Variants in KIF3C observed in about 807,000 individuals in gnomAD.
The protein encoded by KIF3C is kinesin-like protein KIF3C.
KIF3C carries 12 observed loss-of-function variants against 67.7 expected under a neutral mutation model. The observed-to-expected ratio is 0.18, with a 90% CI of 0.11 to 0.29. The LOEUF (loss-of-function observed/expected upper bound fraction) is 0.29. Ranked by LOEUF, KIF3C falls within the 10% of genes least tolerant of loss-of-function variation. The pLI, the probability that KIF3C is intolerant of heterozygous loss-of-function variation, is 1.00. For missense variants in KIF3C, 789 were observed against 1,059.6 expected (o/e 0.74, Z 3.55); for synonymous variants, 393 against 426.2 (o/e 0.92, Z 0.96).
Position 25,981,339 on chromosome 2 carries a change from A to T in KIF3C, c.579T>A (p.His193Gln). ...GGGTCTGGTTCCCCAGGTTCATCAC[A>T]TGCTCAATCTCCTTGACATTCTTGG... ...FVTKNVKEIE[H>Q]VMNLGNQTRA... is the part of the protein sequence containing the mutation. The change falls in exon 1 of 8, where the codon CAT (histidine) becomes CAA (glutamine). Residue 193 changes from histidine to glutamine, a missense_variant. Coordinates refer to ENST00000264712, the MANE Select transcript of KIF3C (RefSeq NM_002254.8). This position sits in a 1 kb window ranked among gnomAD's most constrained non-coding sequence, Gnocchi z 8.2. The T allele has an allele frequency of 6.2e-7, 1 of 1,613,998 alleles. No homozygotes were observed. The highest frequency in any genetic ancestry group is 8.5e-7 in the Non-Finnish European group (1 of 1,179,974).
At chr2:25,942,873 A>C (rs1163588351) in intron 5 of KIF3C, among the ~76,000 whole-genome samples, 1 of 152,208 alleles carries the variant, frequency 6.6e-6, no homozygotes. Flanking sequence ...ATTTCTCAAG[A>C]GCTGCCTGAC....
chr2:25,943,932 GAAAT>G (rs1273439844), intron 5 of KIF3C, among the ~76,000 whole-genome samples: 1 of 151,388 alleles, frequency 6.6e-6, no homozygotes. Context: ...TTAAAGTTCT[GAAAT>G]AAATATTAAA....
At chr2:25,929,140 T>A in intron 7 of KIF3C, 69 bp from the exon 8 acceptor site, 1 of 1,460,608 alleles carries the variant, frequency 6.8e-7, no homozygotes, top group Non-Finnish European at 9.5e-7. Flanking sequence ...GTGGGTCCTC[T>A]CCTTTGCCCC....
chr2:25,930,327 C>A (rs535697416), intron 5 of KIF3C, among the ~76,000 whole-genome samples: 1 of 152,230 alleles, frequency 6.6e-6, no homozygotes, highest in East Asian at 1.9e-4. Flanking sequence ...GAGAGACAGA[C>A]ACACCTGCAT....
rs746885450 is a variant in KIF3C at position 25,981,293 on chromosome 2, T to C, written c.625A>G (p.Met209Val). 1.2e-6 allele frequency: 2 copies of C among 1,614,186 alleles called. No homozygotes were observed. Among genetic ancestry groups the C allele is most frequent in the East Asian group, 2.2e-5 (1 of 44,882 alleles). ...TGGGAGCGGGAGCTGACCTCATTCA[T>C]GTGGGTGCTGCCCACAGCCCGGGTC... is the stretch of plus-strand genomic sequence containing the variant. ...NQTRAVGSTH[M>V]NEVSSRSHAI... Residue 209 changes from methionine to valine, a missense_variant, in exon 1 of 8, where the codon ATG becomes GTG. Met to Val is a conservative substitution (Grantham distance 21). Around this residue, in one of 2 missense-constraint regions of KIF3C, gnomAD observed 648 missense variants for 807.8 expected, o/e 0.80. Transcript: ENST00000264712. The surrounding 1 kb of genome is among the most constrained non-coding windows in gnomAD (Gnocchi z 8.2).
intron 1 of KIF3C, among the ~76,000 whole-genome samples, chr2:25,969,711 T>C (rs192708688): frequency 6.8e-6 from 1 of 147,548 alleles, no homozygotes; most frequent in Admixed American, 6.7e-5. Context: ...TTAAAAAGAT[T>C]TGTTGGGTTT....
chr2:25,956,890 C>G (rs1189789173), intron 1 of KIF3C, among the ~76,000 whole-genome samples: 1 of 152,098 alleles, frequency 6.6e-6, no homozygotes, highest in African/African-American at 2.4e-5. Context: ...ACACAGGCAG[C>G]AGGAAAGGGT....
Position 25,958,134 on chromosome 2 carries a change from G to C in KIF3C, c.1546-1690C>G, listed in dbSNP as rs916362102. Among the ~76,000 whole-genome samples, 1 of 152,024 alleles carries C rather than the reference G, an allele frequency of 6.6e-6. No individual in the cohort carries two copies. Among genetic ancestry groups the C allele is most frequent in the Non-Finnish European group, 1.5e-5 (1 of 68,006 alleles). On this transcript the variant is annotated intron_variant, in intron 1 of 7. Transcript: ENST00000264712. This position sits in a 1 kb window ranked among gnomAD's most constrained non-coding sequence, Gnocchi z 4.5. The stretch of plus-strand genomic sequence containing the variant: ...GGCCATCAAATCTGCTCCTCAGTGC[G>C]GCTCCCACCACCCCCCATTTTTCAT...
intron 1 of KIF3C, among the ~76,000 whole-genome samples, chr2:25,966,951 TC>T (rs1396862760): frequency 3.9e-5 from 6 of 152,310 alleles, no homozygotes; most frequent in Admixed American, 1.3e-4. Context: ...AGTGATTTGC[TC>T]AAGGTTTGGA....
At position 25,945,034 on chromosome 2, in the gene KIF3C, G is replaced by C. The variant is rs530276604; in HGVS notation, c.2006+6755C>G. On this transcript the variant is annotated intron_variant, in intron 5 of 7. Transcript: ENST00000264712. ...TAATCCCAGCTACTCAGGAGGCTGA[G>C]GCAGGAGAATCACTTGAACCCGGGA... Among the ~76,000 whole-genome samples, 8 of 152,082 alleles carry C rather than the reference G, an allele frequency of 5.3e-5. No homozygotes were observed. The South Asian group carries it at 1.5e-3, about 28-fold the overall frequency.
In KIF3C at chr2:25,955,742, ACT is replaced by A. The variant is rs1466903853; in HGVS notation, c.1648-81_1648-80del. On this transcript the variant is annotated intron_variant, in intron 2 of 7. Transcript: ENST00000264712. This position sits in a 1 kb window ranked among gnomAD's most constrained non-coding sequence, Gnocchi z 5.0. ...CCAGGAAAGCTCAGGGGACTGGCTC[ACT>A]CTGCCTGTCTCGGGACCTGGCTTCA... 4.6e-6 allele frequency: 7 copies of A among 1,534,124 alleles called. No individual in the cohort carries two copies. Among genetic ancestry groups the A allele is most frequent in the Admixed American group, 3.5e-5 (2 of 57,070 alleles).
rs750392012 is a variant in KIF3C at position 25,980,687 on chromosome 2, T to C, written c.1231A>G (p.Arg411Gly). The change falls in exon 1 of 8, where the codon AGG (arginine) becomes GGG (glycine). Residue 411 changes from arginine (R) to glycine (G), a missense_variant. By Grantham distance (125) the Arg-to-Gly change is moderately radical (BLOSUM62 -2). Transcript: ENST00000264712. The surrounding 1 kb of genome is among the most constrained non-coding windows in gnomAD (Gnocchi z 7.6). Reference protein sequence around the residue: ...GKRPRRKSSRRKKAVSAPPGY... With the variant: ...GKRPRRKSSRGKKAVSAPPGY... ...GGCGGGGCGGACACGGCCTTCTTCC[T>C]GCGGCTGCTCTTCCTCCGGGGCCGC... 2 of 1,614,002 alleles carry C rather than the reference T, an allele frequency of 1.2e-6. No individual in the cohort carries two copies. The highest frequency in any genetic ancestry group is 1.3e-5 in the African/African-American group (1 of 74,914).
At chr2:25,947,304 C>T (rs780814984) in intron 5 of KIF3C, among the ~76,000 whole-genome samples, 7 of 151,714 alleles carry the variant, frequency 4.6e-5, no homozygotes, top group Admixed American at 2.6e-4. Context: ...TACAGGGGCC[C>T]GACGCAGTGG....
At position 25,975,814 on chromosome 2, in the gene KIF3C, C is replaced by T. The variant is rs1422794172; in HGVS notation, c.1545+4559G>A. 4.6e-5 allele frequency among the ~76,000 whole-genome samples: 7 copies of T among 151,842 alleles called. No homozygotes were observed. The East Asian group carries it at 7.7e-4, about 17-fold the overall frequency. On this transcript the variant is annotated intron_variant, in intron 1 of 7. Coordinates refer to ENST00000264712, the MANE Select transcript of KIF3C (RefSeq NM_002254.8). Reference sequence around the variant, plus strand: ...TCTACTAAAAATACAAAAAGTAAGCCGGGCGTGGTGGTGGGCGCCTGTAGT... The same window carrying T: ...TCTACTAAAAATACAAAAAGTAAGCTGGGCGTGGTGGTGGGCGCCTGTAGT...
chr2:25,937,474 G>T (rs534895673), intron 5 of KIF3C, among the ~76,000 whole-genome samples: 1 of 152,214 alleles, frequency 6.6e-6, no homozygotes, highest in Non-Finnish European at 1.5e-5. Flanking sequence ...AGGCGTGCCC[G>T]TGAGGAGAGG....
chr2:25,978,091 G>GGAAAGGC (rs2149244723), intron 1 of KIF3C, among the ~76,000 whole-genome samples: 1 of 152,264 alleles, frequency 6.6e-6, no homozygotes, highest in South Asian at 2.1e-4. Flanking sequence ...GGCTGGAGAG[G>GGAAAGGC]GAAAGGCGGT....
Position 25,953,144 on chromosome 2 carries a change from C to G in KIF3C, c.1889+1123G>C, listed in dbSNP as rs188131991. Among the ~76,000 whole-genome samples, 99 of 151,392 alleles carry G rather than the reference C, an allele frequency of 6.5e-4. No individual in the cohort carries two copies. In the East Asian group the frequency reaches 0.017, roughly 26 times the overall value. On this transcript the variant is annotated intron_variant, in intron 4 of 7. Coordinates refer to ENST00000264712, the MANE Select transcript of KIF3C (RefSeq NM_002254.8). ...ATTAGTCAGGTGTGGTGGTGGGCGC[C>G]TGTAGTCCCAGCTACTCAGGAGGCT... is the stretch of plus-strand genomic sequence containing the variant.
rs1173947940 is a variant in KIF3C at position 25,962,960 on chromosome 2, T to TATATATA, written c.1546-6523_1546-6517dup. Among the ~76,000 whole-genome samples the TATATATA allele has an allele frequency of 1.1e-3, 36 of 31,972 alleles. 1 individual carries two copies. The highest frequency in any genetic ancestry group is 1.9e-3 in the East Asian group (1 of 536). 21.0% of individuals were successfully genotyped at this position (31,972 alleles called of 152,430 possible). On this transcript the variant is annotated intron_variant, in intron 1 of 7. Transcript: ENST00000264712. ...ATAATATATAATATATAATATATAA[T>TATATATA]ATATATAATATATAATATATAATAT...
At chr2:25,942,493 C>T (rs887067031) in intron 5 of KIF3C, among the ~76,000 whole-genome samples, 1 of 151,782 alleles carries the variant, frequency 6.6e-6, no homozygotes, top group African/African-American at 2.4e-5. Context: ...TCACTGCAAC[C>T]TCTGCCTCCT....
Sources: gnomAD v4.1 joint callset for allele counts (sites outside exome capture counted in the v4.1 genomes callset) on GRCh38, gnomAD v4.1.1 for gene constraint, gnomAD v4.1.1 regional missense constraint, Gnocchi (gnomAD v3.1) non-coding constraint, MANE v1.5 for transcripts, NCBI Gene and HGNC (gene_info 2026-07-23, HGNC 2026-07-21) for gene names.